ZSCAN4: variants seen among roughly 807,000 people sequenced by gnomAD.
The protein encoded by ZSCAN4 is zinc finger and SCAN domain-containing protein 4.
ZSCAN4 carries 18 observed loss-of-function variants against 18.3 expected under a neutral mutation model. The observed-to-expected ratio is 0.98, with a 90% confidence interval of 0.68 to 1.46. ZSCAN4 has a LOEUF of 1.46. Ranked by LOEUF, ZSCAN4 falls within the 40% of genes most tolerant of loss-of-function variation. ZSCAN4 has a pLI of 0.00. For synonymous variants in ZSCAN4, 193 were observed against 180.3 expected (o/e 1.07, Z -0.57); for missense variants, 498 against 511.4 (o/e 0.97, Z 0.25).
At chr19:57,657,075 G>A in the ZSCAN4 span, among the ~76,000 whole-genome samples, 7 of 152,186 alleles carry the variant, frequency 4.6e-5, no homozygotes, top group African/African-American at 7.2e-5. Context: ...GTGAAACCTC[G>A]TCTCTAGTAA....
At chr19:57,677,919 C>G (rs9676604) in exon 4 of ZSCAN4, 1 of 1,536,004 alleles carries the variant, frequency 6.5e-7, no homozygotes, top group Non-Finnish European at 8.7e-7. Flanking sequence ...TACAGGTCCA[C>G]GTCCACATGC....
exon 3 of ZSCAN4, chr19:57,676,241 T>C (rs772516844): frequency 3.7e-6 from 6 of 1,614,064 alleles, no homozygotes; most frequent in Middle Eastern, 1.6e-4. Context: ...AAGGACCTGC[T>C]GTTCAGAGAG....
chr19:57,658,070 C>T, the ZSCAN4 span, among the ~76,000 whole-genome samples: 36 of 152,164 alleles, frequency 2.4e-4, no homozygotes, highest in African/African-American at 8.2e-4. Context: ...CAACAATTTT[C>T]TTCAAAGCTA....
At chr19:57,673,757 T>A (rs532814943) in intron 2 of ZSCAN4, among the ~76,000 whole-genome samples, 2 of 150,848 alleles carry the variant, frequency 1.3e-5, no homozygotes, top group African/African-American at 2.4e-5. Context: ...ATGATTATTA[T>A]TATTATTATT....
At chr19:57,669,915 T>TAGG (rs1859861119) in intron 1 of ZSCAN4, among the ~76,000 whole-genome samples, 1 of 152,058 alleles carries the variant, frequency 6.6e-6, no homozygotes, top group African/African-American at 2.4e-5. Context: ...TTGCTCAGGC[T>TAGG]AGGGATTCAC....
At position 57,670,927 on chromosome 19, in the gene ZSCAN4, C is replaced by T. The variant is rs528220302; in HGVS notation, c.-106+360C>T. 7.9e-5 allele frequency among the ~76,000 whole-genome samples: 12 copies of T among 151,336 alleles called. No homozygotes were observed. The South Asian group carries it at 2.5e-3, about 32-fold the overall frequency. On this transcript the variant is annotated intron_variant, in intron 2 of 4. Coordinates refer to ENST00000318203, the Ensembl canonical transcript of ZSCAN4. ...CAGGCTAAAGTTTAGTAGCCCCAATCACAGCTCACTGCAGCTTCAGCCTCC... is the reference window on the plus strand; with the variant it reads ...CAGGCTAAAGTTTAGTAGCCCCAATTACAGCTCACTGCAGCTTCAGCCTCC...
chr19:57,659,987 G>T, the ZSCAN4 span, among the ~76,000 whole-genome samples: 4 of 152,166 alleles, frequency 2.6e-5, no homozygotes, highest in East Asian at 5.8e-4. Flanking sequence ...CTTACAGATG[G>T]TCGCTGCAAT....
At chr19:57,657,159 G>A in the ZSCAN4 span, among the ~76,000 whole-genome samples, 1 of 151,876 alleles carries the variant, frequency 6.6e-6, no homozygotes, top group Non-Finnish European at 1.5e-5. Context: ...AAGAGGCTGA[G>A]GCAGGAGAAT....
exon 5 of ZSCAN4, chr19:57,678,777 G>A (rs748290898): frequency 6.2e-7 from 1 of 1,614,148 alleles, no homozygotes; most frequent in South Asian, 1.1e-5. Context: ...AATCCACACA[G>A]GAGAAAAGCC....
chr19:57,664,123 T>C (rs2122273906), upstream of ZSCAN4, among the ~76,000 whole-genome samples: 1 of 146,980 alleles, frequency 6.8e-6, no homozygotes, highest in African/African-American at 2.5e-5. Flanking sequence ...AGAGAGAGTC[T>C]CCGTCAAAAA....
intron 3 of ZSCAN4, 125 bp downstream of exon 3, chr19:57,676,666 T>C: frequency 9.3e-7 from 1 of 1,074,540 alleles, no homozygotes; most frequent in East Asian, 2.5e-5. Context: ...CAGCTCACAC[T>C]CTCCCACCAT....
the ZSCAN4 span, among the ~76,000 whole-genome samples, chr19:57,659,469 C>G: frequency 6.6e-6 from 1 of 152,180 alleles, no homozygotes; most frequent in Non-Finnish European, 1.5e-5. Flanking sequence ...TAACAGCAGC[C>G]TCGAACTCTC....
intron 1 of ZSCAN4, 29 bp from the exon 2 acceptor site, chr19:57,670,216 A>G (rs1983975817): frequency 6.6e-6 from 1 of 152,330 alleles, no homozygotes; most frequent in African/African-American, 2.4e-5. Flanking sequence ...AGAAATATTA[A>G]TGTGTTTGTT....
the ZSCAN4 span, among the ~76,000 whole-genome samples, chr19:57,661,083 A>G: frequency 1.3e-5 from 2 of 152,192 alleles, no homozygotes; most frequent in African/African-American, 4.8e-5. Context: ...CTCTTCCAAA[A>G]GTTTTCCAGT....
At chr19:57,667,880 TTTTTTTGTTTG>T (rs1002213463), upstream of ZSCAN4, among the ~76,000 whole-genome samples, 6 of 146,074 alleles carry the variant, frequency 4.1e-5, no homozygotes, top group South Asian at 4.2e-4. Context: ...TTCATTGTTT[TTTTTTTGTTTG>T]TTTTTTGTTT....
At chr19:57,663,707 C>CAA in the ZSCAN4 span, among the ~76,000 whole-genome samples, 5 of 87,790 alleles carry the variant, frequency 5.7e-5, no homozygotes, top group East Asian at 3.3e-4. Flanking sequence ...CAACCTGTCT[C>CAA]AAAAAAAAAA....
At chr19:57,665,931 T>TA (rs2122278814), upstream of ZSCAN4, among the ~76,000 whole-genome samples, 1 of 152,232 alleles carries the variant, frequency 6.6e-6, no homozygotes, top group South Asian at 2.1e-4. Context: ...TACTGATACT[T>TA]AAAATATCTT....
At chr19:57,671,655 C>A (rs1187037312) in intron 2 of ZSCAN4, among the ~76,000 whole-genome samples, 1 of 152,070 alleles carries the variant, frequency 6.6e-6, no homozygotes, top group Admixed American at 6.6e-5. Context: ...GGGAGCCATC[C>A]AGAGAGTAGA....
chr19:57,677,510 G>T (rs1984223283), intron 3 of ZSCAN4, among the ~76,000 whole-genome samples: 1 of 152,140 alleles, frequency 6.6e-6, no homozygotes, highest in African/African-American at 2.4e-5. Context: ...CTAAGTGCAG[G>T]AAAGTTGCTA....
Sources: gnomAD v4.1 joint callset for allele counts (sites outside exome capture counted in the v4.1 genomes callset) on GRCh38, gnomAD v4.1.1 for gene constraint, MANE v1.5 for transcripts, NCBI Gene and HGNC (gene_info 2026-07-23, HGNC 2026-07-21) for gene names.